The following RBPJ variants were observed in gnomAD, a reference collection of about 807,000 sequenced individuals.
RBPJ encodes recombining binding protein suppressor of hairless.
A neutral mutation model predicts 67.8 loss-of-function variants in RBPJ; 9 were observed. The observed-to-expected ratio is 0.13, with a 90% confidence interval of 0.08 to 0.23. The LOEUF (loss-of-function observed/expected upper bound fraction) is 0.23. Ranked by LOEUF, RBPJ falls within the 10% of genes least tolerant of loss-of-function variation. RBPJ has a pLI of 1.00. For missense variants in RBPJ, 305 were observed against 595.6 expected, an observed-to-expected ratio of 0.51 and a Z score of 5.08; for synonymous variants, 198 against 203.3, an observed-to-expected ratio of 0.97 and a Z score of 0.22.
At chr4:26,269,659 C>T (rs1720815479) in intron 1 of RBPJ, among the ~76,000 whole-genome samples, 1 of 152,146 alleles carries the variant, frequency 6.6e-6, no homozygotes, top group Non-Finnish European at 1.5e-5. Flanking sequence ...GGGACTCTGT[C>T]TCAATTCATT....
Position 26,368,399 on chromosome 4 carries a change from T to C in RBPJ, c.21-17954T>C, listed in dbSNP as rs562736225. On this transcript the variant is annotated intron_variant, in intron 1 of 10. Transcript: ENST00000355476. ...GGCATTGTAAGAGGATTGCTTTTTT[T>C]CCCCCTTAAGTTATGTTTACTCACT... Among the ~76,000 whole-genome samples the C allele has an allele frequency of 3.3e-5, 5 of 152,276 alleles. No homozygotes were observed. In the East Asian group the frequency reaches 9.6e-4, roughly 29 times the overall value.
chr4:26,377,620 CTTTG>C (rs1332520651), intron 1 of RBPJ, among the ~76,000 whole-genome samples: 1 of 152,176 alleles, frequency 6.6e-6, no homozygotes, highest in Non-Finnish European at 1.5e-5. Context: ...TTGTATTTCT[CTTTG>C]TGGAAAACCC....
chr4:26,260,535 C>T (rs934822322), intron 1 of RBPJ, among the ~76,000 whole-genome samples: 4 of 152,148 alleles, frequency 2.6e-5, no homozygotes, highest in Non-Finnish European at 4.4e-5. Context: ...TGTTACCTGT[C>T]CATTCTGTTG....
upstream of RBPJ, among the ~76,000 whole-genome samples, chr4:26,314,979 C>T (rs375236893): frequency 3.8e-4 from 57 of 150,598 alleles, no homozygotes; most frequent in African/African-American, 1.2e-3. Flanking sequence ...ACCCCGTCTC[C>T]ACTAAAAATA....
intron 1 of RBPJ, among the ~76,000 whole-genome samples, chr4:26,311,257 C>T (rs1329794116): frequency 6.6e-6 from 1 of 152,002 alleles, no homozygotes; most frequent in Non-Finnish European, 1.5e-5. Flanking sequence ...CACTGTGGGG[C>T]CAGGCGCGGT....
rs564272393 is a variant in RBPJ at position 26,431,347 on chromosome 4, A to G, written c.*340A>G. The G allele has an allele frequency of 4.6e-6, 1 of 215,104 alleles. No homozygotes were observed. The highest frequency in any genetic ancestry group is 2.3e-5 in the African/African-American group (1 of 42,928). 13.3% of individuals were successfully genotyped at this position (215,104 alleles called of 1,614,324 possible). On this transcript the variant is annotated 3_prime_UTR_variant, in exon 11 of 11. Transcript: ENST00000355476. ...TGTGGCTGGAATACAAGTTGAACAA[A>G]CTAGAAGACACAAATCTAACATAGT...
chr4:26,191,249 A>AGAGG (rs1717532264), intron 1 of RBPJ, among the ~76,000 whole-genome samples: 1 of 129,096 alleles, frequency 7.7e-6, no homozygotes, highest in Non-Finnish European at 1.6e-5. Flanking sequence ...AGATAGAGAG[A>AGAGG]GAGAGAGGGA....
At chr4:26,367,708 G>GCCTA (rs1302450316) in intron 1 of RBPJ, among the ~76,000 whole-genome samples, 1 of 152,160 alleles carries the variant, frequency 6.6e-6, no homozygotes, top group East Asian at 1.9e-4. Context: ...TAGTTCCTGT[G>GCCTA]CCTACTGCAG....
At chr4:26,192,342 C>G (rs912511502) in intron 1 of RBPJ, among the ~76,000 whole-genome samples, 42 of 152,182 alleles carry the variant, frequency 2.8e-4, no homozygotes, top group African/African-American at 8.2e-4. Context: ...TGACATAACA[C>G]ACATTCTTTT....
At chr4:26,240,775 G>GAAA (rs1256566203) in intron 1 of RBPJ, among the ~76,000 whole-genome samples, 1 of 152,038 alleles carries the variant, frequency 6.6e-6, no homozygotes, top group African/African-American at 2.4e-5. Flanking sequence ...AAAAGGTTTT[G>GAAA]GACTCTCAAA....
chr4:26,351,219 T>C (rs578143172), intron 1 of RBPJ, among the ~76,000 whole-genome samples: 11 of 152,284 alleles, frequency 7.2e-5, no homozygotes, highest in African/African-American at 2.4e-4. Context: ...TTGTGTACAT[T>C]AGTGCGTGAT....
chr4:26,166,340 TAA>T (rs1716297770), intron 1 of RBPJ, among the ~76,000 whole-genome samples: 1 of 123,660 alleles, frequency 8.1e-6, no homozygotes, highest in African/African-American at 2.9e-5. Flanking sequence ...ACCAACAGTG[TAA>T]AAGTGTTCCT....
intron 1 of RBPJ, among the ~76,000 whole-genome samples, chr4:26,288,263 T>C (rs1721545365): frequency 6.6e-6 from 1 of 152,162 alleles, no homozygotes; most frequent in African/African-American, 2.4e-5. Context: ...TATAAAGGGA[T>C]TGTAGTCAAG....
intron 1 of RBPJ, among the ~76,000 whole-genome samples, chr4:26,230,016 C>G (rs1719221325): frequency 6.6e-6 from 1 of 152,028 alleles, no homozygotes; most frequent in African/African-American, 2.4e-5. Flanking sequence ...TGGCGAAACT[C>G]CACCTCTGCA....
the RBPJ span, among the ~76,000 whole-genome samples, chr4:26,123,177 T>C: frequency 7.9e-5 from 12 of 152,200 alleles, no homozygotes. Flanking sequence ...CTAGGCTATA[T>C]GGTGTGGCCT....
intron 1 of RBPJ, among the ~76,000 whole-genome samples, chr4:26,353,068 A>T (rs1726972497): frequency 6.6e-6 from 1 of 152,262 alleles, no homozygotes; most frequent in Non-Finnish European, 1.5e-5. Flanking sequence ...TTCTGAAGCT[A>T]CTACATCAGC....
upstream of RBPJ, among the ~76,000 whole-genome samples, chr4:26,163,083 G>A (rs902426806): frequency 3.3e-5 from 5 of 152,134 alleles, no homozygotes; most frequent in African/African-American, 1.2e-4. Flanking sequence ...CCAAATGATG[G>A]TGAAGGCCTC....
chr4:26,196,032 G>A (rs1717750166), intron 1 of RBPJ, among the ~76,000 whole-genome samples: 1 of 152,212 alleles, frequency 6.6e-6, no homozygotes, highest in African/African-American at 2.4e-5. Context: ...AGAGAAATCT[G>A]TTAGCTCTGG....
intron 1 of RBPJ, among the ~76,000 whole-genome samples, chr4:26,169,815 G>C (rs1716495747): frequency 6.6e-6 from 1 of 152,208 alleles, no homozygotes; most frequent in Admixed American, 6.5e-5. Flanking sequence ...CCGCCTTGCA[G>C]TTTGATCTCA....
Sources: allele counts gnomAD v4.1 joint callset (sites outside exome capture counted in the v4.1 genomes callset), GRCh38; gene constraint gnomAD v4.1.1; transcripts MANE v1.5; gene names NCBI Gene and HGNC (gene_info 2026-07-23, HGNC 2026-07-21).